C1orf87: variants seen among roughly 807,000 people sequenced by gnomAD.
The protein encoded by C1orf87 is chromosome 1 open reading frame 87.
Under a neutral mutation model 60.5 loss-of-function variants are expected in C1orf87, and 58 were observed. That is an observed-to-expected ratio of 0.96 (90% CI 0.78 to 1.19). The LOEUF (loss-of-function observed/expected upper bound fraction) is 1.19, where lower values mean the gene tolerates loss of function less well. Ranked by LOEUF, C1orf87 falls within the 50% of genes most tolerant of loss-of-function variation. The pLI is 0.00. For synonymous variants in C1orf87, 236 were observed against 227.4 expected (o/e 1.04, Z -0.34); for missense variants, 673 against 638.6 (o/e 1.05, Z -0.58).
At chr1:60,064,810 A>AAT (rs1338065776) in intron 2 of C1orf87, among the ~76,000 whole-genome samples, 48 of 86,598 alleles carry the variant, frequency 5.5e-4, no homozygotes, top group South Asian at 1.8e-3. Context: ...AATTATATTT[A>AAT]ATATATATAA....
At chr1:60,073,026 G>A (rs548057001) in intron 1 of C1orf87, among the ~76,000 whole-genome samples, 7 of 152,158 alleles carry the variant, frequency 4.6e-5, no homozygotes, top group African/African-American at 1.7e-4. Flanking sequence ...TTCCAGTGAG[G>A]TCAGAGCAGA....
chr1:60,066,760 G>C (rs1163944338), intron 2 of C1orf87, among the ~76,000 whole-genome samples: 1 of 151,850 alleles, frequency 6.6e-6, no homozygotes, highest in African/African-American at 2.4e-5. Context: ...ACATGCCATG[G>C]TGGTTTGCTG....
chr1:60,067,560 G>GT (rs34417479), intron 2 of C1orf87, among the ~76,000 whole-genome samples: 989 of 58,854 alleles, frequency 0.017, 8 homozygotes, highest in African/African-American at 0.041. Context: ...TTTTGATGGG[G>GT]TTTTTTTTTT....
At chr1:60,020,951 A>G (rs2100270219) in intron 8 of C1orf87, among the ~76,000 whole-genome samples, 1 of 152,238 alleles carries the variant, frequency 6.6e-6, no homozygotes, top group South Asian at 2.1e-4. Flanking sequence ...AGGTGATTGG[A>G]TCATGAGGGC....
At chr1:60,046,971 G>T (rs1645376441) in intron 3 of C1orf87, among the ~76,000 whole-genome samples, 1 of 152,168 alleles carries the variant, frequency 6.6e-6, no homozygotes, top group Non-Finnish European at 1.5e-5. Flanking sequence ...CACTTTTGTA[G>T]GTGGTATATT....
chr1:60,046,270 CTT>C (rs1645368031), intron 3 of C1orf87, among the ~76,000 whole-genome samples: 1 of 128,434 alleles, frequency 7.8e-6, no homozygotes. Context: ...CTTTCTTTCT[CTT>C]TCTCTCCTTC....
At chr1:60,060,289 T>A (rs1233425325) in intron 2 of C1orf87, among the ~76,000 whole-genome samples, 2 of 152,166 alleles carry the variant, frequency 1.3e-5, no homozygotes, top group African/African-American at 2.4e-5. Context: ...TTCTTTCATG[T>A]TGTGTGACTT....
chr1:60,027,322 C>G (rs759095310), intron 7 of C1orf87, among the ~76,000 whole-genome samples: 10 of 152,182 alleles, frequency 6.6e-5, no homozygotes, highest in Non-Finnish European at 1.5e-4. Context: ...AAGTACAGAG[C>G]CTGCTGGTTA....
rs536827707 is a variant in C1orf87, at chr1:60,023,214, C to T, written c.1127+2187G>A. 8.5e-5 allele frequency among the ~76,000 whole-genome samples: 13 copies of T among 152,178 alleles called. No individual in the cohort carries two copies. The South Asian group carries it at 1.9e-3, about 22-fold the overall frequency. The stretch of plus-strand genomic sequence containing the variant: ...TGTCTGAAGTTCATTGAGCTCCTTG[C>T]GTCCATGTCTTTATAGTTTTCTCCA... On this transcript the variant is annotated intron_variant, in intron 8 of 11. Transcript: ENST00000371201.
intron 2 of C1orf87, among the ~76,000 whole-genome samples, chr1:60,064,334 C>CATATATAAATTATATATGATATATA (rs1645519968): frequency 9.2e-5 from 7 of 76,066 alleles, no homozygotes; most frequent in Non-Finnish European, 1.7e-4. Context: ...ATTATATATA[C>CATATATAAATTATATATGATATATA]TATATATGTA....
At chr1:60,022,440 G>A (rs1450564980) in intron 8 of C1orf87, among the ~76,000 whole-genome samples, 6 of 152,064 alleles carry the variant, frequency 3.9e-5, no homozygotes, top group African/African-American at 2.4e-5. Context: ...AGGCCCAGTT[G>A]GGTTCACTGG....
At chr1:59,991,944 G>A (rs1268741473) in intron 11 of C1orf87, among the ~76,000 whole-genome samples, 1 of 152,112 alleles carries the variant, frequency 6.6e-6, no homozygotes, top group African/African-American at 2.4e-5. Flanking sequence ...GAATTTTTCT[G>A]CTACCTCTGG....
chr1:60,034,376 A>G (rs1039888465), intron 6 of C1orf87, among the ~76,000 whole-genome samples: 4 of 152,232 alleles, frequency 2.6e-5, no homozygotes, highest in African/African-American at 9.6e-5. Flanking sequence ...TTGTTCCTCC[A>G]GATCCAGGTG....
intron 2 of C1orf87, among the ~76,000 whole-genome samples, chr1:60,064,898 TC>T (rs1645530895): frequency 1.1e-5 from 1 of 92,236 alleles, no homozygotes; most frequent in South Asian, 3.0e-4. Flanking sequence ...AAATATATAT[TC>T]TAAATATATA....
In C1orf87 at chr1:60,040,154, T is replaced by G; in HGVS notation, c.510A>C (p.Thr170=). 6.2e-7 allele frequency: 1 copy of G among 1,613,802 alleles called. No homozygotes were observed. Among genetic ancestry groups the G allele is most frequent in the Non-Finnish European group, 8.5e-7 (1 of 1,179,954 alleles). The part of the protein sequence containing the change: ...PEDIGQSPSG[T]TNEDAFLLAL... The stretch of plus-strand genomic sequence containing the variant: ...CAAGAAGAAAAGCGTCTTCATTTGT[T>G]GTCCCACTTGGGCTCTGGCCAATAT... Residue 170 remains threonine (T), a synonymous_variant, in exon 5 of 12, where the codon ACA becomes ACC. Coordinates refer to ENST00000371201, the MANE Select transcript of C1orf87 (RefSeq NM_152377.3).
chr1:60,038,340 G>C (rs1645293461), intron 5 of C1orf87, among the ~76,000 whole-genome samples: 1 of 151,974 alleles, frequency 6.6e-6, no homozygotes, highest in African/African-American at 2.4e-5. Flanking sequence ...AAGGCCATGT[G>C]ACTAGTTCTG....
chr1:59,995,372 T>C (rs1317955070), intron 11 of C1orf87, among the ~76,000 whole-genome samples: 1 of 152,166 alleles, frequency 6.6e-6, no homozygotes, highest in Non-Finnish European at 1.5e-5. Context: ...AAGTCATCCA[T>C]CTCAGCTTTC....
At chr1:60,032,829 A>G (rs1269971789) in intron 7 of C1orf87, among the ~76,000 whole-genome samples, 2 of 152,210 alleles carry the variant, frequency 1.3e-5, no homozygotes, top group South Asian at 2.1e-4. Context: ...TAAGTGTTAC[A>G]TGAGATAATG....
chr1:60,043,234 C>T (rs1168346401), intron 3 of C1orf87, among the ~76,000 whole-genome samples: 2 of 152,078 alleles, frequency 1.3e-5, no homozygotes, highest in Admixed American at 6.5e-5. Flanking sequence ...ATTCTGAGGG[C>T]AGTGGGAGCC....
Sources: allele counts gnomAD v4.1 joint callset (sites outside exome capture counted in the v4.1 genomes callset), GRCh38; gene constraint gnomAD v4.1.1; transcripts MANE v1.5; gene names NCBI Gene and HGNC (gene_info 2026-07-23, HGNC 2026-07-21).